Variants in FAM227B observed in about 807,000 individuals in gnomAD.
The protein encoded by FAM227B is protein FAM227B.
FAM227B carries 88 observed loss-of-function variants against 73.8 expected under a neutral mutation model. The ratio of observed to expected loss-of-function variants is 1.19; its 90% confidence interval spans 1.00 to 1.42. The LOEUF (loss-of-function observed/expected upper bound fraction) is 1.42. FAM227B is among the 40% of genes most tolerant of loss of function. FAM227B has a pLI of 0.00. For missense variants in FAM227B, 632 were observed against 590.9 expected (o/e 1.07, Z -0.72); for synonymous variants, 210 against 190.5 (o/e 1.10, Z -0.84).
intron 11 of FAM227B, among the ~76,000 whole-genome samples, chr15:49,386,137 T>C (rs1244111636): frequency 6.6e-6 from 1 of 151,748 alleles, no homozygotes; most frequent in South Asian, 2.1e-4. Flanking sequence ...AATGACATGC[T>C]AGAACAAATG....
At chr15:49,578,412 C>T (rs1598350262) in intron 5 of FAM227B, among the ~76,000 whole-genome samples, 1 of 151,924 alleles carries the variant, frequency 6.6e-6, no homozygotes, top group South Asian at 2.1e-4. Flanking sequence ...ATCATCTAGT[C>T]ATGTTTAAAT....
At chr15:49,468,359 G>T (rs1857656968) in intron 11 of FAM227B, among the ~76,000 whole-genome samples, 1 of 152,158 alleles carries the variant, frequency 6.6e-6, no homozygotes, top group African/African-American at 2.4e-5. Flanking sequence ...AATTTGAGGG[G>T]AATTATACTT....
chr15:49,475,101 C>T (rs1051084914), intron 11 of FAM227B, among the ~76,000 whole-genome samples: 4 of 152,050 alleles, frequency 2.6e-5, no homozygotes, highest in African/African-American at 4.8e-5. Flanking sequence ...ATTGGTTACA[C>T]AAAAATTGAT....
chr15:49,399,553 G>T (rs924467154), intron 11 of FAM227B, among the ~76,000 whole-genome samples: 17 of 147,558 alleles, frequency 1.2e-4, no homozygotes, highest in African/African-American at 4.2e-4. Flanking sequence ...CAAAAAAAGA[G>T]AATTTTAGAC....
At chr15:49,487,777 A>T (rs546204510) in intron 11 of FAM227B, 2 of 151,974 alleles carry the variant, frequency 1.3e-5, no homozygotes, top group Non-Finnish European at 2.9e-5. Flanking sequence ...TGATTTTTGC[A>T]TCTTACTCCA....
chr15:49,346,432 C>T (rs2041518088), intron 13 of FAM227B, among the ~76,000 whole-genome samples: 1 of 152,190 alleles, frequency 6.6e-6, no homozygotes, highest in Non-Finnish European at 1.5e-5. Context: ...AGGCCACCCC[C>T]ATTTCCCTAA....
chr15:49,526,048 C>T (rs887610777), intron 10 of FAM227B, among the ~76,000 whole-genome samples: 8 of 151,832 alleles, frequency 5.3e-5, no homozygotes, highest in East Asian at 1.9e-4. Flanking sequence ...CTAGACCAAA[C>T]GAACCTAATA....
intron 13 of FAM227B, among the ~76,000 whole-genome samples, chr15:49,347,567 G>C (rs536436288): frequency 3.3e-5 from 5 of 152,096 alleles, no homozygotes; most frequent in Middle Eastern, 3.2e-3. Context: ...ACTGTTCTTT[G>C]CATACTGAAC....
chr15:49,619,042 C>T (rs2078480740), intron 1 of FAM227B, among the ~76,000 whole-genome samples: 3 of 152,038 alleles, frequency 2.0e-5, no homozygotes, highest in African/African-American at 4.8e-5. Flanking sequence ...GGTAATTTGC[C>T]ATACTTTCTT....
rs186791334 is a variant in FAM227B, at chr15:49,360,597, C to G, written c.1271+6851G>C. Among the ~76,000 whole-genome samples the G allele has an allele frequency of 1.3e-4, 20 of 152,232 alleles. No individual in the cohort carries two copies. The East Asian group carries it at 3.5e-3, about 26-fold the overall frequency. On this transcript the variant is annotated intron_variant, in intron 13 of 15. Coordinates refer to ENST00000299338, the MANE Select transcript of FAM227B (RefSeq NM_152647.3). ...AGACAAAGTATGAAGGGAGAATTAG[C>G]AGCTCTAAATACATTTTATCCAAGA...
At chr15:49,402,244 C>G (rs1219869763) in intron 11 of FAM227B, among the ~76,000 whole-genome samples, 1 of 152,108 alleles carries the variant, frequency 6.6e-6, no homozygotes, top group Non-Finnish European at 1.5e-5. Flanking sequence ...GTATATGGCT[C>G]TTCTTTGTTT....
chr15:49,362,582 C>T (rs1323039988), intron 13 of FAM227B, among the ~76,000 whole-genome samples: 2 of 152,170 alleles, frequency 1.3e-5, no homozygotes, highest in East Asian at 3.8e-4. Flanking sequence ...TGTCTGTTTA[C>T]TCTGTTGATA....
At chr15:49,393,030 G>A (rs2047319469) in intron 11 of FAM227B, among the ~76,000 whole-genome samples, 2 of 152,242 alleles carry the variant, frequency 1.3e-5, no homozygotes, top group East Asian at 3.9e-4. Flanking sequence ...AAGAAAAGAG[G>A]AGCAAAGGAG....
chr15:49,406,609 G>A (rs1053761719), intron 11 of FAM227B, among the ~76,000 whole-genome samples: 2 of 151,902 alleles, frequency 1.3e-5, no homozygotes, highest in African/African-American at 2.4e-5. Context: ...GCTAAGTGCC[G>A]GCCAAGGCTC....
At chr15:49,347,117 C>A (rs569194827) in intron 13 of FAM227B, among the ~76,000 whole-genome samples, 1 of 152,228 alleles carries the variant, frequency 6.6e-6, no homozygotes, top group African/African-American at 2.4e-5. Flanking sequence ...TTTAATACAT[C>A]ATTATCAGCA....
intron 5 of FAM227B, 56 bp from the exon 6 acceptor site, chr15:49,577,720 T>C: frequency 8.8e-7 from 1 of 1,136,248 alleles, no homozygotes. Context: ...AATTTTACAT[T>C]TAGTAAATTT....
At chr15:49,531,889 C>T (rs1248411432) in intron 10 of FAM227B, among the ~76,000 whole-genome samples, 2 of 151,592 alleles carry the variant, frequency 1.3e-5, no homozygotes, top group Admixed American at 6.6e-5. Flanking sequence ...TTGTTGAATA[C>T]TGCCAAAAAA....
At chr15:49,461,128 ACTT>A (rs1193190573) in intron 11 of FAM227B, among the ~76,000 whole-genome samples, 5 of 152,082 alleles carry the variant, frequency 3.3e-5, no homozygotes, top group South Asian at 2.1e-4. Context: ...ATCCTGATGA[ACTT>A]CTTCTTCCTA....
chr15:49,620,343 A>G (rs773116191), intron 1 of FAM227B, among the ~76,000 whole-genome samples: 6 of 152,232 alleles, frequency 3.9e-5, no homozygotes, highest in Non-Finnish European at 8.8e-5. Context: ...GTAGTCAATA[A>G]AACATTGCTC....
Sources: gnomAD v4.1 joint callset for allele counts (sites outside exome capture counted in the v4.1 genomes callset) on GRCh38, gnomAD v4.1.1 for gene constraint, MANE v1.5 for transcripts, NCBI Gene and HGNC (gene_info 2026-07-23, HGNC 2026-07-21) for gene names.